SETBP1: variants seen among roughly 807,000 people sequenced by gnomAD.
SETBP1 encodes SET binding protein 1.
A neutral mutation model predicts 101.0 loss-of-function variants in SETBP1; 9 were observed. The observed-to-expected ratio is 0.09, with a 90% CI of 0.05 to 0.16. The LOEUF (loss-of-function observed/expected upper bound fraction) is 0.16. Ranked by LOEUF, SETBP1 falls within the 10% of genes least tolerant of loss-of-function variation. The pLI is 1.00. For missense variants in SETBP1, 1,858 were observed against 2,033.8 expected, an observed-to-expected ratio of 0.91 and a Z score of 1.66; for synonymous variants, 818 against 788.5, an observed-to-expected ratio of 1.04 and a Z score of -0.63.
chr18:44,978,471 T>C (rs964315069), intron 4 of SETBP1, among the ~76,000 whole-genome samples: 2 of 152,216 alleles, frequency 1.3e-5, no homozygotes, highest in African/African-American at 4.8e-5. Flanking sequence ...AATCTAATCC[T>C]GATAGTATTA....
At chr18:44,872,647 G>A (rs549294882) in intron 3 of SETBP1, among the ~76,000 whole-genome samples, 27 of 152,334 alleles carry the variant, frequency 1.8e-4, no homozygotes, top group African/African-American at 5.5e-4. Flanking sequence ...AGGCTTCTTG[G>A]CATTTATTTA....
chr18:44,690,776 G>T (rs1313844265), intron 1 of SETBP1, among the ~76,000 whole-genome samples: 1 of 152,138 alleles, frequency 6.6e-6, no homozygotes, highest in Non-Finnish European at 1.5e-5. Context: ...ACTTAAATCA[G>T]ATGAAAAACG....
chr18:44,803,647 G>A (rs770313215), intron 2 of SETBP1, among the ~76,000 whole-genome samples: 8 of 152,054 alleles, frequency 5.3e-5, no homozygotes, highest in Admixed American at 1.3e-4. Context: ...ACAAGGAGTT[G>A]GGCATCTTTA....
intron 2 of SETBP1, among the ~76,000 whole-genome samples, chr18:44,784,680 T>A (rs889775183): frequency 6.6e-6 from 1 of 152,224 alleles, no homozygotes; most frequent in African/African-American, 2.4e-5. Context: ...TGCTCTACGT[T>A]GTATACCAAA....
chr18:44,899,319 A>G (rs2069982229), intron 3 of SETBP1, among the ~76,000 whole-genome samples: 1 of 152,202 alleles, frequency 6.6e-6, no homozygotes, highest in African/African-American at 2.4e-5. Flanking sequence ...TCCAGACACC[A>G]AACTTTTTTG....
intron 5 of SETBP1, among the ~76,000 whole-genome samples, chr18:45,062,729 A>G (rs543747970): frequency 1.3e-5 from 2 of 152,332 alleles, no homozygotes; most frequent in South Asian, 2.1e-4. Context: ...GGGAAGATTT[A>G]TATTGTGATT....
intron 2 of SETBP1, among the ~76,000 whole-genome samples, chr18:44,841,090 AT>A (rs1189787270): frequency 6.6e-6 from 1 of 152,204 alleles, no homozygotes; most frequent in Non-Finnish European, 1.5e-5. Context: ...CTTCTCAGAT[AT>A]TCTATCAGTT....
chr18:45,004,201 A>T (rs1165989278), intron 4 of SETBP1, among the ~76,000 whole-genome samples: 2 of 152,208 alleles, frequency 1.3e-5, no homozygotes, highest in Non-Finnish European at 1.5e-5. Flanking sequence ...GGCAAAATAT[A>T]TGCACTTCTG....
chr18:44,696,763 T>C (rs574873272), intron 1 of SETBP1, among the ~76,000 whole-genome samples: 7 of 152,280 alleles, frequency 4.6e-5, no homozygotes, highest in African/African-American at 1.7e-4. Flanking sequence ...TCATAAGAGA[T>C]CCACAAAGTG....
intron 3 of SETBP1, among the ~76,000 whole-genome samples, chr18:44,936,122 G>A (rs997580547): frequency 2.6e-5 from 4 of 152,184 alleles, no homozygotes; most frequent in Admixed American, 2.0e-4. Context: ...ACTGCAGAAT[G>A]TATCTGAATC....
chr18:44,873,970 T>C (rs1422475107), intron 3 of SETBP1, among the ~76,000 whole-genome samples: 1 of 152,214 alleles, frequency 6.6e-6, no homozygotes, highest in Non-Finnish European at 1.5e-5. Flanking sequence ...ACCAGTGGTT[T>C]AGCAACCTGT....
chr18:44,944,822 A>C (rs967840387), intron 3 of SETBP1, among the ~76,000 whole-genome samples: 1 of 152,046 alleles, frequency 6.6e-6, no homozygotes, highest in Non-Finnish European at 1.5e-5. Context: ...TCAAATCACC[A>C]TCTTCTCATC....
At chr18:44,818,751 ACT>A (rs1394570746) in intron 2 of SETBP1, among the ~76,000 whole-genome samples, 987 of 91,170 alleles carry the variant, frequency 0.011, 9 homozygotes, top group East Asian at 0.026. Flanking sequence ...ACACGCACAC[ACT>A]CACACACACA....
chr18:44,848,076 TGTGTG>T, intron 2 of SETBP1, among the ~76,000 whole-genome samples: 1 of 61,046 alleles, frequency 1.6e-5, no homozygotes, highest in Admixed American at 1.5e-4. Flanking sequence ...TCTGAAGGTG[TGTGTG>T]TGTGTGTGTG....
intron 4 of SETBP1, among the ~76,000 whole-genome samples, chr18:45,037,327 A>T (rs1433933336): frequency 6.6e-6 from 1 of 152,180 alleles, no homozygotes; most frequent in African/African-American, 2.4e-5. Flanking sequence ...ATTCTTAGTC[A>T]TGTCAGGGAG....
intron 2 of SETBP1, among the ~76,000 whole-genome samples, chr18:44,802,388 T>A (rs140747107): frequency 6.6e-6 from 1 of 152,284 alleles, no homozygotes; most frequent in African/African-American, 2.4e-5. Flanking sequence ...AGGCACAGGA[T>A]TGGGGACTTT....
chr18:44,917,994 G>A (rs2070481840), intron 3 of SETBP1, among the ~76,000 whole-genome samples: 1 of 152,092 alleles, frequency 6.6e-6, no homozygotes, highest in Non-Finnish European at 1.5e-5. Context: ...AAATGGACTT[G>A]TTCACCATGG....
intron 2 of SETBP1, among the ~76,000 whole-genome samples, chr18:44,708,035 G>A (rs893060512): frequency 2.6e-5 from 4 of 152,162 alleles, no homozygotes; most frequent in Admixed American, 6.5e-5. Context: ...TCGTTTACAC[G>A]TGGGTGAGGA....
At chr18:44,734,716 G>C (rs8095575) in intron 2 of SETBP1, among the ~76,000 whole-genome samples, 9,008 of 152,068 alleles carry the variant, frequency 0.059, 353 homozygotes, top group East Asian at 0.13. Flanking sequence ...TAAACTTCTA[G>C]AGCACCTCTC....
Sources: gnomAD v4.1 joint callset for allele counts (sites outside exome capture counted in the v4.1 genomes callset) on GRCh38, gnomAD v4.1.1 for gene constraint, MANE v1.5 for transcripts, NCBI Gene and HGNC (gene_info 2026-07-23, HGNC 2026-07-21) for gene names.